The following INSIG2 variants were observed in gnomAD, a reference collection of about 807,000 sequenced individuals.
INSIG2 encodes the protein insulin-induced gene 2 protein.
In INSIG2, 10 loss-of-function variants were observed where a neutral mutation model predicts 27.2. That is an observed-to-expected ratio of 0.37 (90% CI 0.23 to 0.62). The LOEUF (loss-of-function observed/expected upper bound fraction) is 0.62. Among genes scored for constraint, INSIG2 ranks in the 20% least tolerant of loss-of-function variants. The pLI, the probability that INSIG2 is intolerant of heterozygous loss-of-function variation, is 0.65. For synonymous variants in INSIG2, 97 were observed against 95.8 expected (o/e 1.01, Z -0.07); for missense variants, 178 against 270.2 (o/e 0.66, Z 2.39).
chr2:118,105,497 TCTAAAC>T (rs1390408676), intron 3 of INSIG2, among the ~76,000 whole-genome samples: 2 of 152,210 alleles, frequency 1.3e-5, no homozygotes, highest in Non-Finnish European at 2.9e-5. Context: ...AAATCAGAGC[TCTAAAC>T]CTTTTCTTTG....
In INSIG2 at chr2:118,109,029, G is replaced by A. The variant is rs1174749199; in HGVS notation, c.*707G>A. 1 of 152,204 alleles carries A rather than the reference G, an allele frequency of 6.6e-6. No homozygotes were observed. Among genetic ancestry groups the A allele is most frequent in the Non-Finnish European group, 1.5e-5 (1 of 68,048 alleles). 9.4% of individuals were successfully genotyped at this position (152,204 alleles called of 1,614,324 possible). On this transcript the variant is annotated 3_prime_UTR_variant, in exon 6 of 6. Coordinates refer to ENST00000245787, the MANE Select transcript of INSIG2 (RefSeq NM_016133.4). ...CAGAAGAGGTTATCAGCATTAAATT[G>A]TTTTGGTTCTAAATTTGGAACAGTA...
intron 1 of INSIG2, among the ~76,000 whole-genome samples, chr2:118,093,922 C>A (rs1678333978): frequency 5.7e-5 from 1 of 17,522 alleles, no homozygotes. Flanking sequence ...TAAAAGCAAC[C>A]AGATGATGAT....
In INSIG2 at chr2:118,097,499, T is replaced by G. The variant is rs533355394; in HGVS notation, c.244+699T>G. Among the ~76,000 whole-genome samples, 4 of 152,238 alleles carry G rather than the reference T, an allele frequency of 2.6e-5. No homozygotes were observed. The East Asian group carries it at 7.7e-4, about 29-fold the overall frequency. On this transcript the variant is annotated intron_variant, in intron 2 of 5. Transcript: ENST00000245787. ...ATTTAAAGACATCTATAAGGTAGACTCTCTTTGCTTAAAATTAGTATCCTA... is the reference window on the plus strand; with the variant it reads ...ATTTAAAGACATCTATAAGGTAGACGCTCTTTGCTTAAAATTAGTATCCTA...
chr2:118,107,215 T>C, intron 5 of INSIG2, 26 bp downstream of exon 5: 1 of 1,490,694 alleles, frequency 6.7e-7, no homozygotes, highest in African/African-American at 1.4e-5. Context: ...CTTTTCTGAA[T>C]AAGATGTGGA....
chr2:118,093,009 T>C (rs1419962616), intron 1 of INSIG2, among the ~76,000 whole-genome samples: 1 of 141,040 alleles, frequency 7.1e-6, no homozygotes, highest in Non-Finnish European at 1.5e-5. Context: ...AACCAGATGA[T>C]GATGATGAGG....
chr2:118,105,231 T>C lies in INSIG2; in HGVS notation c.370-1506T>C, dbSNP rs190868715. ...AATTTTTCTGTATTTTTAGTAGAGATGGGGTTTCACCATGTTAGCCAGGAT... is the reference window on the plus strand; with the variant it reads ...AATTTTTCTGTATTTTTAGTAGAGACGGGGTTTCACCATGTTAGCCAGGAT... On this transcript the variant is annotated intron_variant, in intron 3 of 5. Coordinates refer to ENST00000245787, the MANE Select transcript of INSIG2 (RefSeq NM_016133.4). Among the ~76,000 whole-genome samples the C allele has an allele frequency of 4.8e-3, 723 of 150,498 alleles. 9 individuals are homozygous for C. Among genetic ancestry groups the C allele is most frequent in the African/African-American group, 0.017 (683 of 40,578 alleles).
chr2:118,095,231 A>G (rs923068510), intron 1 of INSIG2, among the ~76,000 whole-genome samples: 6 of 152,214 alleles, frequency 3.9e-5, no homozygotes, highest in Admixed American at 1.3e-4. Context: ...ATATTGTTGG[A>G]TGGGATAAAA....
intron 1 of INSIG2, among the ~76,000 whole-genome samples, chr2:118,094,869 A>C (rs1427424802): frequency 6.6e-6 from 1 of 152,236 alleles, no homozygotes; most frequent in East Asian, 1.9e-4. Flanking sequence ...GATACTGGAA[A>C]ACTCAGAGGA....
intron 5 of INSIG2, among the ~76,000 whole-genome samples, chr2:118,107,861 A>G (rs1275303921): frequency 3.0e-4 from 45 of 152,144 alleles, no homozygotes; most frequent in Admixed American, 2.9e-3. Context: ...TTTATATCAT[A>G]TAGCAATTTG....
chr2:118,106,929 G>A (rs1678686873), intron 4 of INSIG2, 26 bp downstream of exon 4: 1 of 1,609,312 alleles, frequency 6.2e-7, no homozygotes, highest in Non-Finnish European at 8.5e-7. Context: ...TCAATTTTTG[G>A]TGCTTGTTTG....
At chr2:118,101,178 T>G (rs1255937930) in intron 2 of INSIG2, among the ~76,000 whole-genome samples, 2 of 152,200 alleles carry the variant, frequency 1.3e-5, no homozygotes, top group East Asian at 1.9e-4. Context: ...TATATATTGC[T>G]ATCAGACTCT....
At chr2:118,099,287 G>C (rs531020650) in intron 2 of INSIG2, among the ~76,000 whole-genome samples, 5 of 152,296 alleles carry the variant, frequency 3.3e-5, no homozygotes, top group African/African-American at 1.2e-4. Context: ...TTCATAGATA[G>C]AGCAGCCACC....
rs1236221071 is a variant in INSIG2, at chr2:118,103,079, T to TG, written c.245-117dup. 9.7e-5 allele frequency: 88 copies of TG among 906,534 alleles called. No homozygotes were observed. The African/African-American group carries it at 1.3e-3, about 14-fold the overall frequency. 56.2% of individuals were successfully genotyped at this position (906,534 alleles called of 1,614,324 possible). On this transcript the variant is annotated intron_variant, in intron 2 of 5. Coordinates refer to ENST00000245787, the MANE Select transcript of INSIG2 (RefSeq NM_016133.4). ...ATTGATGTGAAATAACTTTTTTTTT[T>TG]GTTTTTTTTTTTTTAAGAATCTTTA...
At chr2:118,091,199 A>G (rs560831634) in intron 1 of INSIG2, among the ~76,000 whole-genome samples, 3 of 152,328 alleles carry the variant, frequency 2.0e-5, no homozygotes, top group East Asian at 1.9e-4. Context: ...TCCCTTGAAA[A>G]TAACCCACTC....
Position 118,108,471 on chromosome 2 carries a change from TACACAC to T in INSIG2, c.*155_*160del. On this transcript the variant is annotated 3_prime_UTR_variant, in exon 6 of 6. Transcript: ENST00000245787. ...GTGTATATATGGATAAATATATATA[TACACAC>T]ACACATATTACTGCAATCTGTGATT... 1.8e-6 allele frequency: 1 copy of T among 544,908 alleles called. No individual in the cohort carries two copies. Among genetic ancestry groups the T allele is most frequent in the Non-Finnish European group, 3.3e-6 (1 of 303,434 alleles). The allele number at this position is 544,908 out of a possible 1,614,324, so 33.8% of individuals were successfully genotyped here.
chr2:118,103,150 C>T, intron 2 of INSIG2, 47 bp from the exon 3 acceptor site: 1 of 1,564,744 alleles, frequency 6.4e-7, no homozygotes, highest in South Asian at 1.2e-5. Context: ...TAAGTGTTGC[C>T]AGTACAACAT....
chr2:118,091,568 G>A (rs1396709694), intron 1 of INSIG2, among the ~76,000 whole-genome samples: 3 of 151,800 alleles, frequency 2.0e-5, no homozygotes, highest in Non-Finnish European at 4.4e-5. Flanking sequence ...GTTTTGTTTC[G>A]CATGGGGGTC....
At chr2:118,091,210 C>T (rs996524732) in intron 1 of INSIG2, among the ~76,000 whole-genome samples, 1 of 152,180 alleles carries the variant, frequency 6.6e-6, no homozygotes, top group African/African-American at 2.4e-5. Context: ...TAACCCACTC[C>T]TCTGACTCCT....
intron 3 of INSIG2, among the ~76,000 whole-genome samples, chr2:118,105,367 T>A (rs1022563459): frequency 1.3e-5 from 2 of 152,172 alleles, no homozygotes; most frequent in Non-Finnish European, 2.9e-5. Flanking sequence ...AAGATTGATA[T>A]ATCTATTTAC....
Sources: allele counts gnomAD v4.1 joint callset (sites outside exome capture counted in the v4.1 genomes callset), GRCh38; gene constraint gnomAD v4.1.1; transcripts MANE v1.5; gene names NCBI Gene and HGNC (gene_info 2026-07-23, HGNC 2026-07-21).